Variants in RBFOX1 observed in about 807,000 individuals in gnomAD.
The protein encoded by RBFOX1 is RNA binding protein fox-1 homolog 1.
A neutral mutation model predicts 57.7 loss-of-function variants in RBFOX1; 8 were observed. The observed-to-expected ratio is 0.14, with a 90% CI of 0.08 to 0.25. The LOEUF (loss-of-function observed/expected upper bound fraction) is 0.25, where lower values mean the gene tolerates loss of function less well. RBFOX1 is among the 10% of genes least tolerant of loss of function. The probability of loss-of-function intolerance (pLI) is 1.00; values close to 1 mark genes in which losing one functional copy is unlikely to be tolerated. For missense variants in RBFOX1, 611 were observed against 548.5 expected (o/e 1.11, Z -1.14); for synonymous variants, 326 against 222.4 (o/e 1.47, Z -4.15).
At chr16:5,666,087 A>C (rs1298069092) in intron 3 of RBFOX1, among the ~76,000 whole-genome samples, 1 of 152,228 alleles carries the variant, frequency 6.6e-6, no homozygotes, top group African/African-American at 2.4e-5. Flanking sequence ...GGCAGAGAGC[A>C]AGGATGCCCC....
intron 4 of RBFOX1, among the ~76,000 whole-genome samples, chr16:7,205,598 G>T (rs2089792757): frequency 6.6e-6 from 1 of 152,020 alleles, no homozygotes; most frequent in African/African-American, 2.4e-5. Context: ...TATCCACCCT[G>T]TTTTCACTTC....
chr16:7,239,447 C>A (rs556954495), intron 4 of RBFOX1, among the ~76,000 whole-genome samples: 9 of 152,224 alleles, frequency 5.9e-5, no homozygotes, highest in African/African-American at 1.9e-4. Context: ...TTCAGTGAGC[C>A]TAGATCGTGC....
chr16:5,620,879 C>G (rs955915777), intron 3 of RBFOX1, among the ~76,000 whole-genome samples: 9 of 152,016 alleles, frequency 5.9e-5, no homozygotes, highest in African/African-American at 1.9e-4. Flanking sequence ...GTTGCTCTGT[C>G]CCCCAGGCTG....
intron 2 of RBFOX1, among the ~76,000 whole-genome samples, chr16:6,425,850 A>G (rs550344506): frequency 1.3e-5 from 2 of 152,304 alleles, no homozygotes; most frequent in East Asian, 3.9e-4. Context: ...GGGAAAATTT[A>G]CATAGCATAA....
intron 1 of RBFOX1, among the ~76,000 whole-genome samples, chr16:5,292,913 G>T (rs917055630): frequency 1.3e-5 from 2 of 152,106 alleles, no homozygotes; most frequent in Non-Finnish European, 2.9e-5. Flanking sequence ...GTGAGCCACT[G>T]TGCCCAGCCT....
At chr16:7,353,166 G>A (rs1475644381) in intron 4 of RBFOX1, among the ~76,000 whole-genome samples, 1 of 151,988 alleles carries the variant, frequency 6.6e-6, no homozygotes, top group Non-Finnish European at 1.5e-5. Flanking sequence ...TTCAATTTTT[G>A]TAGCCTAAAT....
chr16:6,595,026 A>T (rs890841419), intron 2 of RBFOX1, among the ~76,000 whole-genome samples: 2 of 152,070 alleles, frequency 1.3e-5, no homozygotes, highest in Non-Finnish European at 2.9e-5. Context: ...TGAGCTCGTT[A>T]TCCACCCGCC....
At chr16:6,169,222 T>G (rs1293695435) in intron 1 of RBFOX1, among the ~76,000 whole-genome samples, 2 of 152,112 alleles carry the variant, frequency 1.3e-5, no homozygotes, top group Admixed American at 6.5e-5. Flanking sequence ...AGATGGAACT[T>G]GAAAGCAAGA....
At chr16:5,969,648 A>C (rs868620130) in intron 4 of RBFOX1, among the ~76,000 whole-genome samples, 10 of 151,740 alleles carry the variant, frequency 6.6e-5, no homozygotes, top group African/African-American at 2.2e-4. Flanking sequence ...AAGTGATATT[A>C]TATTTCATAA....
chr16:6,545,962 T>C (rs1410696913), intron 2 of RBFOX1, among the ~76,000 whole-genome samples: 3 of 152,188 alleles, frequency 2.0e-5, no homozygotes, highest in Non-Finnish European at 4.4e-5. Context: ...AAACAGGGAT[T>C]TGCAATCTTT....
Position 5,908,097 on chromosome 16 carries a change from C to T in RBFOX1, c.351+40762C>T, listed in dbSNP as rs1053684480. 9.7e-4 allele frequency among the ~76,000 whole-genome samples: 128 copies of T among 131,856 alleles called. 1 individual carries two copies. The highest frequency in any genetic ancestry group is 2.9e-3 in the African/African-American group (89 of 30,734). 86.5% of individuals were successfully genotyped at this position (131,856 alleles called of 152,430 possible). ...ATATATATATATATACACATATATACACATATATATATACACATATATACA... is the reference window on the plus strand; with the variant it reads ...ATATATATATATATACACATATATATACATATATATATACACATATATACA... On this transcript the variant is annotated intron_variant, in intron 4 of 19. Transcript: ENST00000641259.
intron 4 of RBFOX1, among the ~76,000 whole-genome samples, chr16:7,363,517 C>G (rs576880786): frequency 8.6e-5 from 13 of 151,952 alleles, no homozygotes; most frequent in Non-Finnish European, 1.3e-4. Context: ...AAGTAAAGGC[C>G]GGGATCTTGT....
intron 1 of RBFOX1, among the ~76,000 whole-genome samples, chr16:5,423,739 A>G (rs1346514385): frequency 6.6e-6 from 1 of 152,088 alleles, no homozygotes; most frequent in South Asian, 2.1e-4. Context: ...TGGCTCATAG[A>G]ATCATCTTGT....
At chr16:7,039,657 A>G (rs1016160956) in intron 3 of RBFOX1, among the ~76,000 whole-genome samples, 10 of 152,204 alleles carry the variant, frequency 6.6e-5, no homozygotes, top group African/African-American at 2.2e-4. Flanking sequence ...CTTATCTGAC[A>G]TAAACTATCC....
intron 4 of RBFOX1, among the ~76,000 whole-genome samples, chr16:5,944,858 C>T (rs1370296147): frequency 4.3e-5 from 6 of 140,962 alleles, no homozygotes; most frequent in Middle Eastern, 8.1e-3. Flanking sequence ...ACTCAGGAGG[C>T]AGAAGGCTGA....
At chr16:5,767,911 C>T (rs368993617) in intron 3 of RBFOX1, among the ~76,000 whole-genome samples, 1 of 151,970 alleles carries the variant, frequency 6.6e-6, no homozygotes, top group Non-Finnish European at 1.5e-5. Context: ...CCATACTCTT[C>T]ACTTAGTGAA....
intron 4 of RBFOX1, among the ~76,000 whole-genome samples, chr16:7,272,679 G>A (rs2095348084): frequency 6.6e-6 from 1 of 152,132 alleles, no homozygotes; most frequent in South Asian, 2.1e-4. Context: ...GGGAGGGATG[G>A]AAGGAGGGAA....
At chr16:6,237,107 C>A (rs1355798757) in intron 1 of RBFOX1, among the ~76,000 whole-genome samples, 1 of 152,138 alleles carries the variant, frequency 6.6e-6, no homozygotes, top group African/African-American at 2.4e-5. Flanking sequence ...TCTGCCTGAG[C>A]CAAAATCATG....
intron 1 of RBFOX1, among the ~76,000 whole-genome samples, chr16:5,310,824 A>T (rs971951829): frequency 1.3e-5 from 2 of 152,208 alleles, no homozygotes; most frequent in Non-Finnish European, 2.9e-5. Flanking sequence ...GTACAAATGA[A>T]GTACACTCTT....
Sources: gnomAD v4.1 joint callset for allele counts (sites outside exome capture counted in the v4.1 genomes callset) on GRCh38, gnomAD v4.1.1 for gene constraint, MANE v1.5 for transcripts, NCBI Gene and HGNC (gene_info 2026-07-23, HGNC 2026-07-21) for gene names.